LOC400499: variants seen among roughly 807,000 people sequenced by gnomAD.
chr16:11,489,723 G>A, the LOC400499 span, among the ~76,000 whole-genome samples: 1 of 152,178 alleles, frequency 6.6e-6, no homozygotes, highest in Non-Finnish European at 1.5e-5. Flanking sequence ...CCTGAGGAGG[G>A]GTTTAGCACA....
chr16:11,492,035 T>G, the LOC400499 span, among the ~76,000 whole-genome samples: 91,628 of 152,040 alleles, frequency 0.6, 29,739 homozygotes, highest in African/African-American at 0.86. Context: ...TTCACTGACC[T>G]TGCCTAATTC....
the LOC400499 span, among the ~76,000 whole-genome samples, chr16:11,395,666 C>T: frequency 8.9e-4 from 136 of 152,324 alleles, no homozygotes; most frequent in African/African-American, 3.1e-3. Flanking sequence ...TGTGTTTGCT[C>T]CTAACCATTC....
At chr16:11,413,079 G>A in the LOC400499 span, 2 of 396,140 alleles carry the variant, frequency 5.0e-6, no homozygotes, top group East Asian at 3.6e-5. Context: ...AGCATGGCCT[G>A]GCTCATCCAA....
the LOC400499 span, among the ~76,000 whole-genome samples, chr16:11,438,643 G>C: frequency 7.2e-6 from 1 of 139,056 alleles, no homozygotes; most frequent in African/African-American, 2.9e-5. Context: ...ACAAAAATTA[G>C]CTGGGTGTTG....
the LOC400499 span, among the ~76,000 whole-genome samples, chr16:11,482,461 A>G: frequency 2.6e-5 from 4 of 152,376 alleles, no homozygotes; most frequent in East Asian, 7.7e-4. Context: ...TCAAAGCTCT[A>G]TCAGCCAAAG....
the LOC400499 span, among the ~76,000 whole-genome samples, chr16:11,470,930 G>A: frequency 1.3e-5 from 2 of 152,214 alleles, no homozygotes; most frequent in African/African-American, 4.8e-5. Context: ...CAAAGGCCCT[G>A]GGGCAGGCAT....
the LOC400499 span, chr16:11,501,035 G>C: frequency 2.5e-6 from 1 of 398,072 alleles, no homozygotes; most frequent in Non-Finnish European, 4.4e-6. Flanking sequence ...GAAGTCACCC[G>C]GGGGTAAACT....
the LOC400499 span, among the ~76,000 whole-genome samples, chr16:11,381,324 G>C: frequency 6.6e-6 from 1 of 152,032 alleles, no homozygotes; most frequent in Non-Finnish European, 1.5e-5. Flanking sequence ...CTGCAGCCTT[G>C]ACCTCCTGGG....
At chr16:11,402,381 T>C in the LOC400499 span, 1 of 380,984 alleles carries the variant, frequency 2.6e-6, no homozygotes, top group Non-Finnish European at 4.6e-6. Context: ...GGGAGCCCCG[T>C]TACAATGAGA....
chr16:11,419,191 A>AC, the LOC400499 span, among the ~76,000 whole-genome samples: 1 of 140,000 alleles, frequency 7.1e-6, no homozygotes, highest in South Asian at 2.3e-4. Context: ...AACAACAACA[A>AC]AAAAAATATA....
the LOC400499 span, chr16:11,472,148 TG>T: frequency 9.1e-6 from 2 of 220,132 alleles, no homozygotes; most frequent in Admixed American, 5.8e-5. Flanking sequence ...AAATGTCTCC[TG>T]GGGGGTCAAA....
chr16:11,411,760 C>A, the LOC400499 span, among the ~76,000 whole-genome samples: 2 of 152,118 alleles, frequency 1.3e-5, no homozygotes, highest in African/African-American at 2.4e-5. Flanking sequence ...GGATTTTAAC[C>A]CCCTGACTCC....
chr16:11,419,129 G>A, the LOC400499 span, among the ~76,000 whole-genome samples: 590 of 152,226 alleles, frequency 3.9e-3, 2 homozygotes, highest in African/African-American at 0.013. Flanking sequence ...TCACACTACT[G>A]TACTCCAGCC....
the LOC400499 span, chr16:11,462,310 C>G: frequency 1.4e-6 from 2 of 1,472,272 alleles, no homozygotes; most frequent in Admixed American, 2.3e-5. Context: ...AGCCCTGAAA[C>G]GGCCTCAGTG....
chr16:11,497,930 T>C, the LOC400499 span, among the ~76,000 whole-genome samples: 1 of 152,214 alleles, frequency 6.6e-6, no homozygotes, highest in East Asian at 1.9e-4. Flanking sequence ...TTTAAAATAC[T>C]CACTTTTTCA....
the LOC400499 span, chr16:11,476,911 G>A: frequency 2.0e-5 from 8 of 399,238 alleles, no homozygotes; most frequent in Admixed American, 2.6e-4. Context: ...CAGGATGCCC[G>A]CTGTGCCCAT....
the LOC400499 span, among the ~76,000 whole-genome samples, chr16:11,492,773 A>T: frequency 7.5e-6 from 1 of 133,904 alleles, no homozygotes; most frequent in East Asian, 2.1e-4. Context: ...TGACAGAGTG[A>T]GACTCCGTCT....
chr16:11,398,311 G>C, the LOC400499 span: 6 of 1,231,612 alleles, frequency 4.9e-6, no homozygotes, highest in Non-Finnish European at 6.1e-6. Context: ...ATGGGTCCCT[G>C]GTCCTCCAGC....
the LOC400499 span, chr16:11,390,313 G>A: frequency 3.1e-5 from 38 of 1,233,042 alleles, no homozygotes; most frequent in East Asian, 2.2e-4. Context: ...CCCCAGGGCC[G>A]CCCTGATGGG....
Sources: gnomAD v4.1 joint callset for allele counts (sites outside exome capture counted in the v4.1 genomes callset) on GRCh38, gnomAD v4.1.1 for gene constraint, MANE v1.5 for transcripts.